Variants in PDZD8 observed in about 807,000 individuals in gnomAD.
PDZD8 encodes PDZ domain containing 8.
PDZD8 carries 14 observed loss-of-function variants against 85.8 expected under a neutral mutation model. The ratio of observed to expected loss-of-function variants is 0.16; its 90% CI spans 0.11 to 0.26. The LOEUF (loss-of-function observed/expected upper bound fraction) is 0.26, where lower values mean the gene tolerates loss of function less well. Ranked by LOEUF, PDZD8 falls within the 10% of genes least tolerant of loss-of-function variation. The probability of loss-of-function intolerance (pLI) is 1.00; values close to 1 mark genes in which losing one functional copy is unlikely to be tolerated. For synonymous variants in PDZD8, 592 were observed against 568.6 expected (o/e 1.04, Z -0.59); for missense variants, 1,197 against 1,424.3 (o/e 0.84, Z 2.57).
intron 1 of PDZD8, among the ~76,000 whole-genome samples, chr10:117,360,683 T>C (rs1471967860): frequency 2.0e-5 from 3 of 151,728 alleles, no homozygotes; most frequent in African/African-American, 7.3e-5. Flanking sequence ...AATGGTGCAG[T>C]CAAAACTGTA....
chr10:117,364,458 C>G (rs938409079), intron 1 of PDZD8, among the ~76,000 whole-genome samples: 1 of 148,014 alleles, frequency 6.8e-6, no homozygotes, highest in African/African-American at 2.6e-5. Flanking sequence ...AGTTTCTATA[C>G]GCACACAGAC....
rs112104958 is a variant in PDZD8 at position 117,310,821 on chromosome 10, G to C, written c.1098+8051C>G. Among the ~76,000 whole-genome samples, 567 of 152,044 alleles carry C rather than the reference G, an allele frequency of 3.7e-3. 4 individuals are homozygous for C. Among genetic ancestry groups the C allele is most frequent in the African/African-American group, 0.013 (536 of 41,452 alleles). On this transcript the variant is annotated intron_variant, in intron 3 of 4. Transcript: ENST00000334464. ...CTGTAAATGGCAAATGGTTAAATAG[G>C]AGCACCAAAATGCTATCTGCAAGGA...
At chr10:117,339,661 T>C (rs1844577204) in intron 2 of PDZD8, among the ~76,000 whole-genome samples, 1 of 152,208 alleles carries the variant, frequency 6.6e-6, no homozygotes, top group African/African-American at 2.4e-5. Flanking sequence ...CACAGCCACA[T>C]TCATTCAGTT....
intron 1 of PDZD8, among the ~76,000 whole-genome samples, chr10:117,348,769 A>G (rs1353921978): frequency 6.6e-6 from 1 of 152,168 alleles, no homozygotes; most frequent in African/African-American, 2.4e-5. Context: ...CAGCTTCAAC[A>G]TATTTTATCA....
intron 2 of PDZD8, among the ~76,000 whole-genome samples, chr10:117,322,860 GA>G (rs2133816525): frequency 6.6e-6 from 1 of 152,274 alleles, no homozygotes; most frequent in South Asian, 2.1e-4. Flanking sequence ...GCAGCCACAA[GA>G]AAATATCCAT....
chr10:117,309,775 A>G (rs1844004154), intron 3 of PDZD8, among the ~76,000 whole-genome samples: 1 of 152,174 alleles, frequency 6.6e-6, no homozygotes, highest in Non-Finnish European at 1.5e-5. Flanking sequence ...TGGACATTTT[A>G]ATATATTTAA....
At chr10:117,370,937 T>A (rs1387934755) in intron 1 of PDZD8, among the ~76,000 whole-genome samples, 1 of 151,936 alleles carries the variant, frequency 6.6e-6, no homozygotes, top group Non-Finnish European at 1.5e-5. Context: ...TGTGTGTGTG[T>A]GTGTGTGTGT....
Position 117,285,095 on chromosome 10 carries a change from A to G in PDZD8, c.1638T>C (p.Ala546=), listed in dbSNP as rs1161154106. The G allele has an allele frequency of 1.2e-6, 2 of 1,614,094 alleles. No individual in the cohort carries two copies. Among genetic ancestry groups the G allele is most frequent in the South Asian group, 2.2e-5 (2 of 91,078 alleles). Reference sequence around the variant, plus strand: ...TCGGTGGTAGTGGGTGACTTCCTACAGCTAATTTACGGTTTAAAACTGGTG... The same window carrying G: ...TCGGTGGTAGTGGGTGACTTCCTACGGCTAATTTACGGTTTAAAACTGGTG... ...AISPVLNRKL[A]VGSHPLPPKI... is the part of the protein sequence containing the mutation. Residue 546 remains alanine, a synonymous_variant, in exon 5 of 5, where the codon GCT becomes GCC. Coordinates refer to ENST00000334464, the MANE Select transcript of PDZD8 (RefSeq NM_173791.5).
chr10:117,332,877 G>C (rs1021289179), intron 2 of PDZD8, among the ~76,000 whole-genome samples: 9 of 150,888 alleles, frequency 6.0e-5, no homozygotes, highest in South Asian at 2.1e-4. Flanking sequence ...CAGCACTTTG[G>C]GGGGCCAAGG....
At chr10:117,371,893 T>C (rs1489212072) in intron 1 of PDZD8, among the ~76,000 whole-genome samples, 1 of 152,180 alleles carries the variant, frequency 6.6e-6, no homozygotes, top group Non-Finnish European at 1.5e-5. Context: ...CCGTGAGCCA[T>C]GATCCTGACA....
chr10:117,365,989 T>G (rs1037177001), intron 1 of PDZD8, among the ~76,000 whole-genome samples: 1 of 152,096 alleles, frequency 6.6e-6, no homozygotes, highest in African/African-American at 2.4e-5. Context: ...CATATATTCT[T>G]ACTGAACTAT....
At chr10:117,300,575 C>T (rs1020558273) in intron 3 of PDZD8, among the ~76,000 whole-genome samples, 7 of 152,278 alleles carry the variant, frequency 4.6e-5, no homozygotes, top group Middle Eastern at 3.4e-3. Context: ...GGAACCAAAA[C>T]TCTACATGCT....
intron 2 of PDZD8, among the ~76,000 whole-genome samples, chr10:117,333,134 A>AAAACAAAAC (rs1564703058): frequency 4.0e-5 from 6 of 149,504 alleles, no homozygotes; most frequent in African/African-American, 1.5e-4. Context: ...AAAAAAAAAA[A>AAAACAAAAC]AAAAAAAAAG....
chr10:117,341,271 C>T (rs934321503), intron 1 of PDZD8, among the ~76,000 whole-genome samples, 169 bp from the exon 2 acceptor site: 7 of 152,172 alleles, frequency 4.6e-5, no homozygotes, highest in African/African-American at 1.4e-4. Flanking sequence ...GCAAATGGTG[C>T]CTTCGCTATG....
chr10:117,370,621 T>C (rs1845172087), intron 1 of PDZD8, among the ~76,000 whole-genome samples: 1 of 152,088 alleles, frequency 6.6e-6, no homozygotes, highest in South Asian at 2.1e-4. Context: ...GTGGGTAGAC[T>C]GCCTGAAGTC....
intron 3 of PDZD8, among the ~76,000 whole-genome samples, chr10:117,313,195 A>G (rs898073649): frequency 1.3e-5 from 2 of 152,162 alleles, no homozygotes; most frequent in Non-Finnish European, 2.9e-5. Flanking sequence ...TATGGTACCC[A>G]CTAGTCACAT....
At position 117,277,390 on chromosome 10, in the gene PDZD8, T is replaced by C; in HGVS notation, c.*5878A>G. Reference sequence around the variant, plus strand: ...CTGGTGAAAGAGTAAAACCAAAGGTTATTATTTCCTTTCCATGGTTATGGT... The same window carrying C: ...CTGGTGAAAGAGTAAAACCAAAGGTCATTATTTCCTTTCCATGGTTATGGT... On this transcript the variant is annotated 3_prime_UTR_variant, in exon 5 of 5. Transcript: ENST00000334464. The C allele has an allele frequency of 1.9e-6, 1 of 532,718 alleles. No individual in the cohort carries two copies. The highest frequency in any genetic ancestry group is 3.2e-6 in the Non-Finnish European group (1 of 311,190). 33.0% of individuals were successfully genotyped at this position (532,718 alleles called of 1,614,324 possible). A position where few individuals can be genotyped will look rare whatever the true frequency, so the allele number is the denominator to read the frequency against.
At chr10:117,370,429 TAAC>T (rs1413132330) in intron 1 of PDZD8, among the ~76,000 whole-genome samples, 1 of 152,152 alleles carries the variant, frequency 6.6e-6, no homozygotes, top group African/African-American at 2.4e-5. Flanking sequence ...AAAGAAGTAA[TAAC>T]AACGTTAACT....
chr10:117,291,737 C>A (rs1396346662), intron 3 of PDZD8, among the ~76,000 whole-genome samples: 2 of 151,590 alleles, frequency 1.3e-5, no homozygotes, highest in African/African-American at 2.4e-5. Flanking sequence ...CCATCAAGAT[C>A]ATTTTGTTTT....
Sources: gnomAD v4.1 joint callset for allele counts (sites outside exome capture counted in the v4.1 genomes callset) on GRCh38, gnomAD v4.1.1 for gene constraint, MANE v1.5 for transcripts, NCBI Gene and HGNC (gene_info 2026-07-23, HGNC 2026-07-21) for gene names.